KCNG3: variants seen among roughly 807,000 people sequenced by gnomAD.
KCNG3 encodes the protein potassium voltage-gated channel modifier subfamily G member 3.
A neutral mutation model predicts 29.0 loss-of-function variants in KCNG3; 15 were observed. The ratio of observed to expected loss-of-function variants is 0.52; its 90% confidence interval spans 0.35 to 0.80. KCNG3 has a LOEUF of 0.80. Ranked by LOEUF, KCNG3 falls within the 30% of genes least tolerant of loss-of-function variation. KCNG3 has a pLI of 0.01. For missense variants in KCNG3, 512 were observed against 605.7 expected (o/e 0.85, Z 1.62); for synonymous variants, 322 against 248.9 (o/e 1.29, Z -2.76).
chr2:42,477,419 ACAC>A (rs1208126304), intron 1 of KCNG3, among the ~76,000 whole-genome samples: 2 of 46,024 alleles, frequency 4.3e-5, no homozygotes, highest in African/African-American at 1.1e-4. Context: ...ACACACACAC[ACAC>A]ATATATTTTT....
At chr2:42,474,267 C>T (rs1205301247) in intron 1 of KCNG3, among the ~76,000 whole-genome samples, 2 of 152,058 alleles carry the variant, frequency 1.3e-5, no homozygotes, top group Non-Finnish European at 2.9e-5. Context: ...GTGGCTCATA[C>T]CTGTAATCCC....
rs1184799780 is a variant in KCNG3 at position 42,443,156 on chromosome 2, A to T, written c.*778T>A. 6.6e-6 allele frequency: 1 copy of T among 152,210 alleles called. No individual in the cohort carries two copies. Among genetic ancestry groups the T allele is most frequent in the Non-Finnish European group, 1.5e-5 (1 of 68,028 alleles). The allele number at this position is 152,210 out of a possible 1,614,324, so 9.4% of individuals were successfully genotyped here. On this transcript the variant is annotated 3_prime_UTR_variant, in exon 2 of 2. Coordinates refer to ENST00000306078, the MANE Select transcript of KCNG3 (RefSeq NM_133329.6). Reference sequence around the variant, plus strand: ...ATTCTTGTTTGGACATCTAAATATTAGGACAGTTATCACCTAGGAACAGCA... The same window carrying T: ...ATTCTTGTTTGGACATCTAAATATTTGGACAGTTATCACCTAGGAACAGCA...
the KCNG3 span, among the ~76,000 whole-genome samples, chr2:42,403,947 C>T: frequency 6.6e-6 from 1 of 152,170 alleles, no homozygotes; most frequent in Middle Eastern, 3.2e-3. Context: ...TTCTGTTTTA[C>T]TCTCTTTATC....
chr2:42,405,824 T>C, the KCNG3 span, among the ~76,000 whole-genome samples: 2 of 152,134 alleles, frequency 1.3e-5, no homozygotes, highest in Non-Finnish European at 2.9e-5. Flanking sequence ...GCCAGGATGG[T>C]CTCGATCTCC....
intron 1 of KCNG3, among the ~76,000 whole-genome samples, chr2:42,476,523 G>C (rs556221962): frequency 6.6e-6 from 1 of 151,914 alleles, no homozygotes; most frequent in Admixed American, 6.6e-5. Flanking sequence ...ATCTTGCTCT[G>C]TCACCCCAGC....
At chr2:42,487,530 A>C (rs1028966219) in intron 1 of KCNG3, among the ~76,000 whole-genome samples, 8 of 152,096 alleles carry the variant, frequency 5.3e-5, no homozygotes, top group Non-Finnish European at 1.0e-4. Flanking sequence ...TCCTCAATAT[A>C]TGTAAAGATG....
chr2:42,475,598 G>A (rs1034038544), intron 1 of KCNG3, among the ~76,000 whole-genome samples: 5 of 148,982 alleles, frequency 3.4e-5, no homozygotes, highest in African/African-American at 1.2e-4. Flanking sequence ...CCAAAGTTCT[G>A]TGATTACAGG....
intron 1 of KCNG3, among the ~76,000 whole-genome samples, chr2:42,465,934 A>G (rs1304918408): frequency 1.3e-5 from 2 of 152,248 alleles, no homozygotes; most frequent in Non-Finnish European, 2.9e-5. Flanking sequence ...CACTTGAGAC[A>G]GAATAACAAA....
At chr2:42,451,477 C>A (rs1029760753) in intron 1 of KCNG3, among the ~76,000 whole-genome samples, 4 of 152,000 alleles carry the variant, frequency 2.6e-5, no homozygotes, top group African/African-American at 9.7e-5. Context: ...GTAATCCCAG[C>A]ACTTTGGGAG....
At chr2:42,411,243 A>G in the KCNG3 span, among the ~76,000 whole-genome samples, 1 of 151,848 alleles carries the variant, frequency 6.6e-6, no homozygotes, top group African/African-American at 2.4e-5. Context: ...ACTTTTTTCA[A>G]TTTTATTCTT....
intron 1 of KCNG3, among the ~76,000 whole-genome samples, chr2:42,487,829 C>T (rs1001553585): frequency 1.3e-4 from 20 of 152,092 alleles, no homozygotes; most frequent in Non-Finnish European, 2.6e-4. Context: ...ATCACTGCAG[C>T]GTTTACTACA....
chr2:42,416,099 GGATTGGGAGGCTGAGGCAC>G, the KCNG3 span, among the ~76,000 whole-genome samples: 1 of 151,960 alleles, frequency 6.6e-6, no homozygotes, highest in Non-Finnish European at 1.5e-5. Context: ...GGATCAGCTG[GGATTGGGAGGCTGAGGCAC>G]GAGAGTCACT....
chr2:42,470,445 G>A (rs1178991675), intron 1 of KCNG3, among the ~76,000 whole-genome samples: 4 of 152,138 alleles, frequency 2.6e-5, no homozygotes, highest in Admixed American at 1.3e-4. Flanking sequence ...CCGTACAGGA[G>A]GAATGCAGGA....
chr2:42,482,850 G>C (rs1673623759), intron 1 of KCNG3, among the ~76,000 whole-genome samples: 1 of 152,304 alleles, frequency 6.6e-6, no homozygotes, highest in South Asian at 2.1e-4. Context: ...GCCAGGCACA[G>C]TGGCTCATGC....
At chr2:42,477,012 C>G (rs1419369854) in intron 1 of KCNG3, among the ~76,000 whole-genome samples, 3 of 146,756 alleles carry the variant, frequency 2.0e-5, no homozygotes, top group Non-Finnish European at 4.5e-5. Flanking sequence ...GGTGAAACCC[C>G]GTCTCTACTA....
the KCNG3 span, among the ~76,000 whole-genome samples, chr2:42,408,278 C>T: frequency 6.6e-6 from 1 of 152,184 alleles, no homozygotes; most frequent in Admixed American, 6.5e-5. Context: ...CTTCAGGCCA[C>T]ATAGGGCCTG....
chr2:42,432,500 G>A, the KCNG3 span, among the ~76,000 whole-genome samples: 2 of 152,170 alleles, frequency 1.3e-5, no homozygotes, highest in Admixed American at 6.5e-5. Flanking sequence ...TAACATTGAC[G>A]ATTCAAGGAC....
At chr2:42,421,451 G>C in the KCNG3 span, among the ~76,000 whole-genome samples, 1 of 152,192 alleles carries the variant, frequency 6.6e-6, no homozygotes, top group East Asian at 1.9e-4. Context: ...TCAAACAGCA[G>C]AGCAGGATCG....
At chr2:42,413,245 T>A in the KCNG3 span, among the ~76,000 whole-genome samples, 1 of 152,236 alleles carries the variant, frequency 6.6e-6, no homozygotes, top group East Asian at 1.9e-4. Flanking sequence ...GCTCAAGCAA[T>A]CCTCCCTCCT....
Sources: gnomAD v4.1 joint callset for allele counts (sites outside exome capture counted in the v4.1 genomes callset) on GRCh38, gnomAD v4.1.1 for gene constraint, MANE v1.5 for transcripts, NCBI Gene and HGNC (gene_info 2026-07-23, HGNC 2026-07-21) for gene names.